The following INPP5A variants were observed in gnomAD, a reference collection of about 807,000 sequenced individuals.
The protein encoded by INPP5A is 43 kDa inositol polyphosphate 5-phophatase.
Under a neutral mutation model 65.2 loss-of-function variants are expected in INPP5A, and 14 were observed. The observed-to-expected ratio is 0.21, with a 90% CI of 0.14 to 0.34. The LOEUF is 0.34. Among genes scored for constraint, INPP5A ranks in the 10% least tolerant of loss-of-function variants. The pLI is 1.00. For synonymous variants in INPP5A, 207 were observed against 208.3 expected (o/e 0.99, Z 0.05); for missense variants, 431 against 545.6 (o/e 0.79, Z 2.09).
intron 4 of INPP5A, among the ~76,000 whole-genome samples, chr10:132,671,622 C>T (rs2072894123): frequency 6.6e-6 from 1 of 152,222 alleles, no homozygotes; most frequent in Non-Finnish European, 1.5e-5. Context: ...TGCGGCTCCT[C>T]CAGCATGGGA....
intron 9 of INPP5A, among the ~76,000 whole-genome samples, chr10:132,739,027 G>A (rs777749468): frequency 8.5e-5 from 13 of 152,154 alleles, no homozygotes; most frequent in Non-Finnish European, 1.9e-4. Context: ...TTTCTCTTGG[G>A]AAGTCAAAGT....
At chr10:132,571,454 G>C (rs2071341008) in intron 1 of INPP5A, among the ~76,000 whole-genome samples, 1 of 152,242 alleles carries the variant, frequency 6.6e-6, no homozygotes, top group African/African-American at 2.4e-5. Context: ...CAGAGGCCCA[G>C]CTCCTGCCGC....
chr10:132,677,525 G>C (rs1459635122), intron 4 of INPP5A, among the ~76,000 whole-genome samples: 5 of 152,242 alleles, frequency 3.3e-5, no homozygotes, highest in Non-Finnish European at 5.9e-5. Flanking sequence ...CCCAGTGCTG[G>C]TAGCAGGCGA....
rs1368321238 is a variant in INPP5A at position 132,678,396 on chromosome 10, CTCAA to C, written c.307-11993_307-11990del. On this transcript the variant is annotated intron_variant, in intron 4 of 15. Coordinates refer to ENST00000368594, the MANE Select transcript of INPP5A (RefSeq NM_005539.5). The surrounding 1 kb of genome is among the most constrained non-coding windows in gnomAD (Gnocchi z 4.1). ...ATTATAACTTTGCTTTGATTTATTA[CTCAA>C]TCTGTTAAATTGTTTCAAAACAAGG... 3.3e-5 allele frequency among the ~76,000 whole-genome samples: 5 copies of C among 152,146 alleles called. No individual in the cohort carries two copies. Among genetic ancestry groups the C allele is most frequent in the African/African-American group, 1.2e-4 (5 of 41,426 alleles).
chr10:132,699,230 G>C (rs1468980248), intron 6 of INPP5A, among the ~76,000 whole-genome samples: 2 of 152,186 alleles, frequency 1.3e-5, no homozygotes, highest in Non-Finnish European at 2.9e-5. Flanking sequence ...CGGAAGGGCA[G>C]GGTGGGGGCT....
At chr10:132,757,437 A>G (rs1846644148) in intron 11 of INPP5A, among the ~76,000 whole-genome samples, 1 of 152,206 alleles carries the variant, frequency 6.6e-6, no homozygotes, top group African/African-American at 2.4e-5. Flanking sequence ...ACAGTGTGTT[A>G]CGCCACCTGC....
intron 2 of INPP5A, among the ~76,000 whole-genome samples, chr10:132,640,203 C>T (rs183066790): frequency 2.6e-5 from 4 of 152,368 alleles, no homozygotes; most frequent in Admixed American, 2.0e-4. Flanking sequence ...CACGCATTCA[C>T]CCTGATGAGG....
chr10:132,710,335 A>G lies in INPP5A; in HGVS notation c.528-2A>G. On this transcript the variant is annotated splice_acceptor_variant, in intron 7 of 15. Transcript: ENST00000368594. LOFTEE classifies it high-confidence loss of function. ...ACGTGTCCTTTTCTCTTTTGGTTGC[A>G]GTGCCTTTGACTTGGTGAATATCCA... The G allele has an allele frequency of 6.2e-7, 1 of 1,614,008 alleles. No individual in the cohort carries two copies. Among genetic ancestry groups the G allele is most frequent in the Non-Finnish European group, 8.5e-7 (1 of 1,179,936 alleles).
At chr10:132,595,006 G>C (rs894927621) in intron 1 of INPP5A, among the ~76,000 whole-genome samples, 2 of 152,292 alleles carry the variant, frequency 1.3e-5, no homozygotes, top group African/African-American at 4.8e-5. Flanking sequence ...ATGATTATAG[G>C]CATGTTAAAA....
At chr10:132,564,130 C>G (rs2071241826) in intron 1 of INPP5A, among the ~76,000 whole-genome samples, 1 of 152,172 alleles carries the variant, frequency 6.6e-6, no homozygotes, top group African/African-American at 2.4e-5. Flanking sequence ...CTTCTCACCT[C>G]ACGATTTTTT....
chr10:132,709,978 G>A (rs1845606228), intron 7 of INPP5A, among the ~76,000 whole-genome samples: 1 of 152,248 alleles, frequency 6.6e-6, no homozygotes. Context: ...TCCCCGATGG[G>A]TGCAGCCGGC....
At chr10:132,700,643 G>A (rs1016426790) in intron 6 of INPP5A, among the ~76,000 whole-genome samples, 2 of 152,168 alleles carry the variant, frequency 1.3e-5, no homozygotes, top group Non-Finnish European at 2.9e-5. Flanking sequence ...CAGCCTGGCC[G>A]GGCCCGCCCC....
At position 132,592,654 on chromosome 10, in the gene INPP5A, G is replaced by A. The variant is rs556415416; in HGVS notation, c.76-15261G>A. ...ACTCCTGATCTCAGGTGATCCGCCC[G>A]CCTTGGCTTCCCAAAGTGCTCGGAT... On this transcript the variant is annotated intron_variant, in intron 1 of 15. Coordinates refer to ENST00000368594, the MANE Select transcript of INPP5A (RefSeq NM_005539.5). 2.3e-4 allele frequency among the ~76,000 whole-genome samples: 35 copies of A among 152,332 alleles called. 1 individual carries two copies. In the South Asian group the frequency reaches 5.2e-3, roughly 23 times the overall value.
chr10:132,539,383 A>G (rs986722893), intron 1 of INPP5A, among the ~76,000 whole-genome samples: 5 of 152,234 alleles, frequency 3.3e-5, no homozygotes, highest in Non-Finnish European at 5.9e-5. Context: ...GAAGAAAAAG[A>G]TGCTGAGAAG....
Position 132,659,143 on chromosome 10 carries a change from A to C in INPP5A, c.306+8638A>C, listed in dbSNP as rs111750691. Among the ~76,000 whole-genome samples, 109 of 152,192 alleles carry C rather than the reference A, an allele frequency of 7.2e-4. 1 individual carries two copies. The highest frequency in any genetic ancestry group is 2.3e-3 in the African/African-American group (97 of 41,526). On this transcript the variant is annotated intron_variant, in intron 4 of 15. Transcript: ENST00000368594. The surrounding 1 kb of genome is among the most constrained non-coding windows in gnomAD (Gnocchi z 5.5). Reference sequence around the variant, plus strand: ...CCACTCCCCACGCCAGTGTTCTCCAAACTTCCGGGGAGACCTGTCTGTGCT... The same window carrying C: ...CCACTCCCCACGCCAGTGTTCTCCACACTTCCGGGGAGACCTGTCTGTGCT...
At chr10:132,773,104 G>A (rs965891080) in intron 12 of INPP5A, among the ~76,000 whole-genome samples, 4 of 152,258 alleles carry the variant, frequency 2.6e-5, no homozygotes, top group Non-Finnish European at 4.4e-5. Flanking sequence ...GCTGTGGGCC[G>A]GCGCAGGGTG....
At chr10:132,631,588 C>G (rs1252185813) in intron 2 of INPP5A, among the ~76,000 whole-genome samples, 2 of 152,244 alleles carry the variant, frequency 1.3e-5, no homozygotes, top group African/African-American at 4.8e-5. Context: ...TTGGAGAACG[C>G]CTGACAGGGC....
chr10:132,584,420 G>A (rs558812453), intron 1 of INPP5A, among the ~76,000 whole-genome samples: 341 of 152,240 alleles, frequency 2.2e-3, no homozygotes, highest in Non-Finnish European at 3.5e-3. Flanking sequence ...ATAGATAAAA[G>A]TTTTCTATTC....
chr10:132,724,188 A>T (rs1845944183), intron 8 of INPP5A, among the ~76,000 whole-genome samples: 1 of 152,208 alleles, frequency 6.6e-6, no homozygotes, highest in Non-Finnish European at 1.5e-5. Context: ...ATCTGCAGAA[A>T]AGAATAGATT....
Sources: allele counts gnomAD v4.1 joint callset (sites outside exome capture counted in the v4.1 genomes callset), GRCh38; gene constraint gnomAD v4.1.1; non-coding constraint Gnocchi (gnomAD v3.1); transcripts MANE v1.5; gene names NCBI Gene and HGNC (gene_info 2026-07-23, HGNC 2026-07-21).